Variants in GINS1 observed in about 807,000 individuals in gnomAD.
GINS1 encodes DNA replication complex GINS protein PSF1.
In GINS1, 26 loss-of-function variants were observed where a neutral mutation model predicts 34.9. That is an observed-to-expected ratio of 0.74 (90% CI 0.55 to 1.03). The LOEUF (loss-of-function observed/expected upper bound fraction) is 1.03. GINS1 is among the 50% of genes least tolerant of loss of function. The pLI, the probability that GINS1 is intolerant of heterozygous loss-of-function variation, is 0.00. For synonymous variants in GINS1, 97 were observed against 84.4 expected (o/e 1.15, Z -0.82); for missense variants, 235 against 237.9 (o/e 0.99, Z 0.08).
chr20:25,415,429 T>C (rs770140074), intron 2 of GINS1, among the ~76,000 whole-genome samples: 5 of 152,360 alleles, frequency 3.3e-5, no homozygotes, highest in Non-Finnish European at 7.3e-5. Context: ...GGCCCATGCC[T>C]GTAGTCCCAG....
chr20:25,423,615 T>TC (rs1170380864), intron 4 of GINS1, among the ~76,000 whole-genome samples: 1 of 75,662 alleles, frequency 1.3e-5, no homozygotes, highest in East Asian at 2.1e-4. Context: ...CTTCTCTCTT[T>TC]TTTTTTTTTT....
At chr20:25,435,017 A>G (rs2090446732) in intron 5 of GINS1, among the ~76,000 whole-genome samples, 1 of 152,182 alleles carries the variant, frequency 6.6e-6, no homozygotes, top group African/African-American at 2.4e-5. Context: ...TCACCTCCCA[A>G]CACTGTTGAA....
chr20:25,436,978 T>TG (rs1383549427), intron 5 of GINS1, among the ~76,000 whole-genome samples: 1 of 152,230 alleles, frequency 6.6e-6, no homozygotes, highest in Admixed American at 6.5e-5. Flanking sequence ...TTACTGTTTT[T>TG]GTTTTTTTGG....
intron 1 of GINS1, among the ~76,000 whole-genome samples, chr20:25,413,153 C>T (rs1166688390): frequency 2.0e-5 from 3 of 151,374 alleles, no homozygotes; most frequent in Non-Finnish European, 4.4e-5. Flanking sequence ...CGGGTTCAAG[C>T]GATTTCCCCT....
chr20:25,434,786 C>G (rs2090445463), intron 5 of GINS1, among the ~76,000 whole-genome samples: 1 of 152,188 alleles, frequency 6.6e-6, no homozygotes, highest in Non-Finnish European at 1.5e-5. Context: ...TGTCCAAGAT[C>G]AAAGTGCCAG....
Position 25,417,138 on chromosome 20 carries a change from A to G in GINS1, c.175A>G (p.Ile59Val). ...AAAGTCAGGTGGACGAAGTGATTTG[A>G]TACCAACTATCAAATTTCGACACTG... ...EAKSGGRSDL[I>V]PTIKFRHCSL... The change falls in exon 3 of 7, where the codon ATA becomes GTA. Residue 59 changes from isoleucine (I) to valine (V), a missense_variant. Transcript: ENST00000262460. The G allele has an allele frequency of 1.3e-6, 2 of 1,591,774 alleles. No homozygotes were observed. Among genetic ancestry groups the G allele is most frequent in the Non-Finnish European group, 1.7e-6 (2 of 1,160,202 alleles).
intron 5 of GINS1, among the ~76,000 whole-genome samples, chr20:25,433,010 A>G (rs1489776358): frequency 6.6e-6 from 1 of 151,912 alleles, no homozygotes; most frequent in Non-Finnish European, 1.5e-5. Context: ...AGGTATTCGC[A>G]TAGAATATCT....
At chr20:25,418,509 C>T (rs954405792) in intron 4 of GINS1, among the ~76,000 whole-genome samples, 5 of 152,288 alleles carry the variant, frequency 3.3e-5, no homozygotes, top group Non-Finnish European at 7.4e-5. Context: ...TGTATATATA[C>T]TTTCCTAATC....
rs1306131270 is a variant in GINS1 at position 25,420,999 on chromosome 20, C to G, written c.330+2804C>G. On this transcript the variant is annotated intron_variant, in intron 4 of 6. Coordinates refer to ENST00000262460, the MANE Select transcript of GINS1 (RefSeq NM_021067.5). ...AAAGAATATTTCCAGGTATCCCTGACAGCTTATAGGAGCCTATGAGGTCTG... is the reference window on the plus strand; with the variant it reads ...AAAGAATATTTCCAGGTATCCCTGAGAGCTTATAGGAGCCTATGAGGTCTG... 28 of 978,202 alleles carry G rather than the reference C, an allele frequency of 2.9e-5. No individual in the cohort carries two copies. In the Admixed American group the frequency reaches 4.3e-4, roughly 15 times the overall value. 60.6% of individuals were successfully genotyped at this position (978,202 alleles called of 1,614,324 possible).
intron 5 of GINS1, among the ~76,000 whole-genome samples, chr20:25,431,536 T>TTTTTTC (rs1363358678): frequency 3.3e-5 from 5 of 151,702 alleles, no homozygotes; most frequent in African/African-American, 7.2e-5. Context: ...TTTTTGTTTC[T>TTTTTTC]TTTTTCTTTT....
In GINS1 at chr20:25,413,445, T is replaced by C. The variant is rs745469793; in HGVS notation, c.76-345T>C. The C allele has an allele frequency of 7.2e-5, 14 of 195,112 alleles. No individual in the cohort carries two copies. In the South Asian group the frequency reaches 8.4e-4, roughly 12 times the overall value. The allele number at this position is 195,112 out of a possible 1,614,324, so 12.1% of individuals were successfully genotyped here. ...GGTTGTTTCTACATTTTTATTGTTA[T>C]GAATAATGCTGCAAAAAACATGTGT... On this transcript the variant is annotated intron_variant, in intron 1 of 6. Transcript: ENST00000262460.
chr20:25,430,612 C>T (rs1429809807), intron 5 of GINS1, among the ~76,000 whole-genome samples: 4 of 152,168 alleles, frequency 2.6e-5, no homozygotes, highest in Admixed American at 2.6e-4. Context: ...CTCACCGCAA[C>T]CTCTGCCTCC....
intron 1 of GINS1, among the ~76,000 whole-genome samples, chr20:25,411,503 A>G (rs2090284816): frequency 6.6e-6 from 1 of 152,152 alleles, no homozygotes. Context: ...ATTGGGTAAC[A>G]TTTAATCATT....
chr20:25,446,063 C>T lies in GINS1; in HGVS notation c.*72C>T. 1.4e-6 allele frequency: 1 copy of T among 720,142 alleles called. No homozygotes were observed. The highest frequency in any genetic ancestry group is 2.4e-6 in the Non-Finnish European group (1 of 416,388). 44.6% of individuals were successfully genotyped at this position (720,142 alleles called of 1,614,324 possible). A position where few individuals can be genotyped will look rare whatever the true frequency, so the allele number is the denominator to read the frequency against. ...CTGTACTCACTCTCTCCACCACTCC[C>T]TTCACCTCCCTCTTTGATTTTAGAA... On this transcript the variant is annotated 3_prime_UTR_variant, in exon 7 of 7. Transcript: ENST00000262460.
At chr20:25,423,655 C>T (rs1365042929) in intron 4 of GINS1, among the ~76,000 whole-genome samples, 1 of 145,782 alleles carries the variant, frequency 6.9e-6, no homozygotes, top group Non-Finnish European at 1.5e-5. Flanking sequence ...TCTGTTGCCC[C>T]CAGGCTGGAG....
intron 5 of GINS1, among the ~76,000 whole-genome samples, chr20:25,432,392 T>A (rs1247431927): frequency 6.6e-6 from 1 of 151,918 alleles, no homozygotes; most frequent in Non-Finnish European, 1.5e-5. Context: ...AACCTCCGCC[T>A]CCCGAGTTCA....
chr20:25,443,003 G>A (rs1184607919), intron 6 of GINS1: 1 of 152,040 alleles, frequency 6.6e-6, no homozygotes, highest in East Asian at 1.9e-4. Flanking sequence ...GCTGTCTTGG[G>A]GTCAGCCATT....
At chr20:25,419,348 A>G (rs1273410496) in intron 4 of GINS1, among the ~76,000 whole-genome samples, 5 of 151,786 alleles carry the variant, frequency 3.3e-5, no homozygotes, top group Non-Finnish European at 7.4e-5. Flanking sequence ...TTAAAGAAAA[A>G]AAAAAAACAA....
At chr20:25,416,279 C>T (rs892894275) in intron 2 of GINS1, among the ~76,000 whole-genome samples, 5 of 152,160 alleles carry the variant, frequency 3.3e-5, no homozygotes, top group Non-Finnish European at 5.9e-5. Context: ...CTTGTATTCT[C>T]TGTGTTTATG....
Sources: allele counts gnomAD v4.1 joint callset (sites outside exome capture counted in the v4.1 genomes callset), GRCh38; gene constraint gnomAD v4.1.1; transcripts MANE v1.5; gene names NCBI Gene and HGNC (gene_info 2026-07-23, HGNC 2026-07-21).